The following ELF5 variants were observed in gnomAD, a reference collection of about 807,000 sequenced individuals.
ELF5 encodes E74 like ETS transcription factor 5.
A neutral mutation model predicts 38.2 loss-of-function variants in ELF5; 31 were observed. The ratio of observed to expected loss-of-function variants is 0.81; its 90% confidence interval spans 0.61 to 1.10. The LOEUF (loss-of-function observed/expected upper bound fraction) is 1.10, where lower values mean the gene tolerates loss of function less well. ELF5 is among the 50% of genes least tolerant of loss of function. The pLI is 0.00. For synonymous variants in ELF5, 121 were observed against 112.5 expected, an observed-to-expected ratio of 1.08 and a Z score of -0.48; for missense variants, 300 against 306.6, an observed-to-expected ratio of 0.98 and a Z score of 0.16.
chr11:34,497,877 A>G (rs1406326005), intron 2 of ELF5, among the ~76,000 whole-genome samples: 1 of 152,228 alleles, frequency 6.6e-6, no homozygotes, highest in Non-Finnish European at 1.5e-5. Context: ...GCTTTTGGCC[A>G]CTTGTCTCCT....
At chr11:34,490,714 C>A (rs760641278) in intron 3 of ELF5, among the ~76,000 whole-genome samples, 1 of 152,166 alleles carries the variant, frequency 6.6e-6, no homozygotes, top group Non-Finnish European at 1.5e-5. Flanking sequence ...TTTCACATAG[C>A]AGTTTAGGCT....
chr11:34,511,428 C>CA lies in ELF5; in HGVS notation c.-5+2248dup, dbSNP rs373583843. ...CGTGGAAGCTGGAATCAGTTTCCCC[C>CA]AAATGTAGTCATCATTCTAGCTGCC... is the stretch of plus-strand genomic sequence containing the variant. On this transcript the variant is annotated intron_variant, in intron 1 of 6. Transcript: ENST00000257832. The CA allele has an allele frequency of 3.9e-5, 55 of 1,403,726 alleles. No homozygotes were observed. In the African/African-American group the frequency reaches 7.5e-4, roughly 19 times the overall value. The allele number at this position is 1,403,726 out of a possible 1,614,324, so 87.0% of individuals were successfully genotyped here.
chr11:34,498,780 T>G (rs1850379381), intron 2 of ELF5, among the ~76,000 whole-genome samples: 2 of 152,186 alleles, frequency 1.3e-5, no homozygotes, highest in South Asian at 2.1e-4. Context: ...CTTCTCAATC[T>G]TATGCAGTGT....
At position 34,508,571 on chromosome 11, in the gene ELF5, G is replaced by T. The variant is rs376260767; in HGVS notation, c.-4-2818C>A. ...ACATTTTTAAGTGGTTACATTTTAA[G>T]TGGTTATATAAATATTTACATCATA... On this transcript the variant is annotated intron_variant, in intron 1 of 6. Transcript: ENST00000257832. Among the ~76,000 whole-genome samples the T allele has an allele frequency of 3.3e-5, 5 of 152,144 alleles. No individual in the cohort carries two copies. In the South Asian group the frequency reaches 6.3e-4, roughly 19 times the overall value.
At position 34,505,588 on chromosome 11, in the gene ELF5, A is replaced by T. The variant is rs368682994; in HGVS notation, c.121+41T>A. The stretch of plus-strand genomic sequence containing the variant: ...CCAGCACCACCTCCTGCCCTAGCCC[A>T]TCCTGGCTGCACTCAGATGGGCTCC... On this transcript the variant is annotated intron_variant, in intron 2 of 6. Transcript: ENST00000257832. The T allele has an allele frequency of 6.6e-5, 106 of 1,611,270 alleles. No homozygotes were observed. In the East Asian group the frequency reaches 1.0e-3, roughly 16 times the overall value.
At chr11:34,500,542 T>C (rs1231663718) in intron 2 of ELF5, among the ~76,000 whole-genome samples, 2 of 152,174 alleles carry the variant, frequency 1.3e-5, no homozygotes, top group Non-Finnish European at 2.9e-5. Flanking sequence ...AAAGTAGCCA[T>C]GGCCTTGGGA....
intron 1 of ELF5, chr11:34,511,918 G>A (rs567911810): frequency 6.4e-5 from 19 of 296,228 alleles, no homozygotes; most frequent in Middle Eastern, 1.0e-3. Context: ...GGCTGTTTAC[G>A]GGCCAAATCA....
chr11:34,489,165 G>A (rs1441790296), intron 4 of ELF5, among the ~76,000 whole-genome samples: 5 of 152,214 alleles, frequency 3.3e-5, no homozygotes, highest in African/African-American at 7.2e-5. Flanking sequence ...AAAACAAAAC[G>A]AAAAACGAAA....
chr11:34,500,370 G>A (rs56291727), intron 2 of ELF5, among the ~76,000 whole-genome samples: 20,055 of 152,230 alleles, frequency 0.13, 1,469 homozygotes, highest in Admixed American at 0.21. Flanking sequence ...AACCTGAAAT[G>A]ATAAATGGCT....
At chr11:34,485,643 G>A (rs1226465899) in intron 4 of ELF5, among the ~76,000 whole-genome samples, 2 of 152,144 alleles carry the variant, frequency 1.3e-5, no homozygotes, top group African/African-American at 4.8e-5. Flanking sequence ...GAGGCTGATG[G>A]GAATTTCTTC....
In ELF5 at chr11:34,487,554, C is replaced by T. The variant is rs116064336; in HGVS notation, c.406+2455G>A. On this transcript the variant is annotated intron_variant, in intron 4 of 6. Transcript: ENST00000257832. ...AATGTAAATGTGATCTGATCACTTT[C>T]GTGCTTATGACCTTTCAGTGGCTTC... is the stretch of plus-strand genomic sequence containing the variant. Among the ~76,000 whole-genome samples, 1,048 of 152,296 alleles carry T rather than the reference C, an allele frequency of 6.9e-3. 8 individuals carry two copies. Among genetic ancestry groups the T allele is most frequent in the African/African-American group, 0.02 (844 of 41,552 alleles).
intron 2 of ELF5, among the ~76,000 whole-genome samples, chr11:34,503,341 G>A (rs896952820): frequency 4.0e-5 from 6 of 148,972 alleles, no homozygotes; most frequent in South Asian, 2.1e-4. Context: ...GTATTTTTTC[G>A]TAGAGACGGG....
chr11:34,487,083 T>A (rs1309413696), intron 4 of ELF5, among the ~76,000 whole-genome samples: 1 of 151,980 alleles, frequency 6.6e-6, no homozygotes, highest in Non-Finnish European at 1.5e-5. Flanking sequence ...CTTGTGCCCA[T>A]CAAACTATCC....
intron 1 of ELF5, chr11:34,511,876 CA>C (rs1422908813): frequency 1.8e-5 from 7 of 397,758 alleles, no homozygotes; most frequent in Middle Eastern, 6.9e-4. Context: ...GGCATGTGAC[CA>C]AAAATTGGCC....
At chr11:34,482,210 C>T (rs531259055) in intron 5 of ELF5, among the ~76,000 whole-genome samples, 51 of 152,272 alleles carry the variant, frequency 3.3e-4, no homozygotes, top group African/African-American at 1.2e-3. Context: ...ATTTGTTTAG[C>T]GTTTGCTATT....
intron 5 of ELF5, 48 bp downstream of exon 5, chr11:34,482,383 A>G (rs757324494): frequency 3.6e-5 from 55 of 1,545,696 alleles, no homozygotes; most frequent in Non-Finnish European, 4.7e-5. Flanking sequence ...ACTTTGTCTG[A>G]GGAATGGTTT....
intron 1 of ELF5, among the ~76,000 whole-genome samples, chr11:34,507,003 A>G (rs1850629024): frequency 1.3e-5 from 2 of 152,226 alleles, no homozygotes; most frequent in South Asian, 4.1e-4. Flanking sequence ...TGTTTCATAC[A>G]TACATACACA....
At chr11:34,502,137 A>G (rs1330713131) in intron 2 of ELF5, among the ~76,000 whole-genome samples, 1 of 152,244 alleles carries the variant, frequency 6.6e-6, no homozygotes, top group African/African-American at 2.4e-5. Flanking sequence ...CACTTCGTAC[A>G]CAAAATATCA....
intron 2 of ELF5, among the ~76,000 whole-genome samples, chr11:34,501,026 C>T (rs1388681764): frequency 6.6e-6 from 1 of 152,154 alleles, no homozygotes; most frequent in Non-Finnish European, 1.5e-5. Flanking sequence ...GCTATGAAGT[C>T]CTCTGTCATG....
Sources: gnomAD v4.1 joint callset for allele counts (sites outside exome capture counted in the v4.1 genomes callset) on GRCh38, gnomAD v4.1.1 for gene constraint, MANE v1.5 for transcripts, NCBI Gene and HGNC (gene_info 2026-07-23, HGNC 2026-07-21) for gene names.